Variants in PLXNA4 observed in about 807,000 individuals in gnomAD.
The protein encoded by PLXNA4 is plexin-A4.
PLXNA4 carries 44 observed loss-of-function variants against 191.8 expected under a neutral mutation model. That is an observed-to-expected ratio of 0.23 (90% CI 0.18 to 0.29). PLXNA4 has a LOEUF of 0.29. Among genes scored for constraint, PLXNA4 ranks in the 10% least tolerant of loss-of-function variants. PLXNA4 has a pLI of 1.00. For missense variants in PLXNA4, 1,800 were observed against 2,488.8 expected (o/e 0.72, Z 5.89); for synonymous variants, 1,082 against 1,009.5 (o/e 1.07, Z -1.36).
At chr7:132,243,795 C>T (rs921308588) in intron 4 of PLXNA4, among the ~76,000 whole-genome samples, 3 of 151,686 alleles carry the variant, frequency 2.0e-5, no homozygotes, top group African/African-American at 7.3e-5. Context: ...ATATCCCAAT[C>T]CTCCTTGTAC....
intron 2 of PLXNA4, among the ~76,000 whole-genome samples, chr7:132,636,482 C>G (rs1437926920): frequency 1.3e-5 from 2 of 152,144 alleles, no homozygotes; most frequent in African/African-American, 4.8e-5. Context: ...AAGAGCCCCC[C>G]CAGGAGTGAT....
intron 1 of PLXNA4, among the ~76,000 whole-genome samples, chr7:132,569,533 A>G (rs1052674110): frequency 1.8e-4 from 28 of 152,232 alleles, no homozygotes; most frequent in African/African-American, 6.5e-4. Context: ...AAAGATTTTC[A>G]CTGTATACAT....
intron 3 of PLXNA4, among the ~76,000 whole-genome samples, chr7:132,456,855 T>C (rs1021878379): frequency 2.0e-5 from 3 of 152,212 alleles, no homozygotes; most frequent in Admixed American, 6.5e-5. Flanking sequence ...CCCATAGAGA[T>C]AACCGACACC....
At position 132,428,707 on chromosome 7, in the gene PLXNA4, G is replaced by T. The variant is rs1795145188; in HGVS notation, c.1371+60585C>A. ...GCCAAGACACTGCCTCCATCAGACGGCCAAGCTCTGGCCAGCCTCCAGGTC... is the reference window on the plus strand; with the variant it reads ...GCCAAGACACTGCCTCCATCAGACGTCCAAGCTCTGGCCAGCCTCCAGGTC... On this transcript the variant is annotated intron_variant, in intron 3 of 31. Transcript: ENST00000321063. 3.3e-5 allele frequency among the ~76,000 whole-genome samples: 5 copies of T among 152,112 alleles called. No homozygotes were observed. The South Asian group carries it at 1.0e-3, about 32-fold the overall frequency.
intron 21 of PLXNA4, among the ~76,000 whole-genome samples, chr7:132,169,454 C>T (rs1465798050): frequency 6.6e-6 from 1 of 152,158 alleles, no homozygotes; most frequent in Non-Finnish European, 1.5e-5. Flanking sequence ...TGTCCAGCAA[C>T]AAGAGAACAG....
chr7:132,401,731 G>A (rs1424945512), intron 3 of PLXNA4, among the ~76,000 whole-genome samples: 1 of 152,122 alleles, frequency 6.6e-6, no homozygotes, highest in Non-Finnish European at 1.5e-5. Flanking sequence ...CTGAACTTGG[G>A]GACAGCTGAG....
chr7:132,227,734 T>A, intron 6 of PLXNA4, 130 bp from the exon 7 acceptor site: 1 of 1,197,038 alleles, frequency 8.4e-7, no homozygotes, highest in Non-Finnish European at 1.2e-6. Flanking sequence ...GAGGCAATAT[T>A]AACATGGAGA....
intron 1 of PLXNA4, among the ~76,000 whole-genome samples, chr7:132,522,569 C>T (rs558784604): frequency 1.6e-4 from 24 of 152,266 alleles, no homozygotes; most frequent in Non-Finnish European, 2.5e-4. Flanking sequence ...CCCAGGAGTT[C>T]GAGATTAGCC....
Position 132,373,977 on chromosome 7 carries a change from G to T in PLXNA4, c.1372-75755C>A, listed in dbSNP as rs1456900319. Among the ~76,000 whole-genome samples, 7 of 152,114 alleles carry T rather than the reference G, an allele frequency of 4.6e-5. No homozygotes were observed. The East Asian group carries it at 1.4e-3, about 29-fold the overall frequency. On this transcript the variant is annotated intron_variant, in intron 3 of 31. Transcript: ENST00000321063. ...CCAACCTGAGGCTCAGGTGGCCGGGGGCTCCCCACACTCCAGTCCAGCAGC... is the reference window on the plus strand; with the variant it reads ...CCAACCTGAGGCTCAGGTGGCCGGGTGCTCCCCACACTCCAGTCCAGCAGC...
At chr7:132,203,587 CAT>C (rs1797515977) in intron 10 of PLXNA4, among the ~76,000 whole-genome samples, 168 bp from the exon 11 acceptor site, 1 of 152,224 alleles carries the variant, frequency 6.6e-6, no homozygotes, top group Non-Finnish European at 1.5e-5. Flanking sequence ...TGCACATGCA[CAT>C]GTGTGTACAG....
chr7:132,283,578 T>C (rs1462888639), intron 4 of PLXNA4, among the ~76,000 whole-genome samples: 2 of 148,754 alleles, frequency 1.3e-5, no homozygotes, highest in Middle Eastern at 3.6e-3. Context: ...GAACTCAGCC[T>C]GTGCTCATGA....
intron 4 of PLXNA4, among the ~76,000 whole-genome samples, chr7:132,249,693 T>A (rs1796891514): frequency 6.6e-6 from 1 of 152,268 alleles, no homozygotes; most frequent in Non-Finnish European, 1.5e-5. Context: ...AGGTGGAAAT[T>A]GAAATGAAGT....
At chr7:132,241,420 A>T (rs1030113387) in intron 4 of PLXNA4, among the ~76,000 whole-genome samples, 112 of 152,186 alleles carry the variant, frequency 7.4e-4, no homozygotes, top group African/African-American at 2.4e-3. Flanking sequence ...TACAGTCCAT[A>T]CTAAGTTGTC....
Position 132,127,234 on chromosome 7 carries a change from A to C in PLXNA4, c.*3245T>G, listed in dbSNP as rs964591078. The C allele has an allele frequency of 6.6e-6, 1 of 152,148 alleles. No homozygotes were observed. The highest frequency in any genetic ancestry group is 1.5e-5 in the Non-Finnish European group (1 of 68,042). 9.4% of individuals were successfully genotyped at this position (152,148 alleles called of 1,614,324 possible). A position where few individuals can be genotyped will look rare whatever the true frequency, so the allele number is the denominator to read the frequency against. ...ATTTTCCCTGGGAGGGTACGGGATA[A>C]GTTGGAGGGGAAGGTAAGGAAGATG... On this transcript the variant is annotated 3_prime_UTR_variant, in exon 32 of 32. Transcript: ENST00000321063.
chr7:132,503,261 T>A (rs1031438031), intron 2 of PLXNA4, among the ~76,000 whole-genome samples: 2 of 152,176 alleles, frequency 1.3e-5, no homozygotes, highest in African/African-American at 4.8e-5. Flanking sequence ...CCACAATGCT[T>A]GGTATCCACC....
intron 3 of PLXNA4, among the ~76,000 whole-genome samples, chr7:132,401,325 A>C (rs1793976498): frequency 6.6e-6 from 1 of 152,224 alleles, no homozygotes; most frequent in Non-Finnish European, 1.5e-5. Context: ...GCAAAGTTAA[A>C]AAAATGCGCT....
At chr7:132,259,448 A>C (rs1799548036) in intron 4 of PLXNA4, among the ~76,000 whole-genome samples, 1 of 50,306 alleles carries the variant, frequency 2.0e-5, no homozygotes, top group African/African-American at 9.0e-5. Context: ...AAAAAAAAAA[A>C]AAAAAAAAAA....
chr7:132,507,723 C>T lies in PLXNA4; in HGVS notation c.971G>A (p.Arg324Lys). 1 of 1,614,206 alleles carries T rather than the reference C, an allele frequency of 6.2e-7. No homozygotes were observed. Among genetic ancestry groups the T allele is most frequent in the Non-Finnish European group, 8.5e-7 (1 of 1,180,052 alleles). ...ATCATCTGGATGGACTCCAAGGGTC[C>T]TGCCAAGCACGGCCCCCGCTTTGGA... ...YLSKAGAVLG[R>K]TLGVHPDDDL... The change falls in exon 2 of 32, where the codon AGG (arginine) becomes AAG (lysine). Residue 324 changes from arginine to lysine, a missense_variant. Transcript: ENST00000321063.
intron 2 of PLXNA4, among the ~76,000 whole-genome samples, chr7:132,619,893 C>A (rs556214443): frequency 1.3e-5 from 2 of 152,184 alleles, no homozygotes; most frequent in African/African-American, 4.8e-5. Context: ...CTCCGCCTCC[C>A]GGGTTCATGC....
Sources: gnomAD v4.1 joint callset for allele counts (sites outside exome capture counted in the v4.1 genomes callset) on GRCh38, gnomAD v4.1.1 for gene constraint, MANE v1.5 for transcripts, NCBI Gene and HGNC (gene_info 2026-07-23, HGNC 2026-07-21) for gene names.